Variants in TACC2 observed in about 807,000 individuals in gnomAD.
The protein encoded by TACC2 is transforming acidic coiled-coil containing protein 2.
Under a neutral mutation model 227.3 loss-of-function variants are expected in TACC2, and 137 were observed. That is an observed-to-expected ratio of 0.60 (90% CI 0.52 to 0.69). TACC2 has a LOEUF of 0.69. Ranked by LOEUF, TACC2 falls within the 30% of genes least tolerant of loss-of-function variation. The pLI is 0.00. For synonymous variants in TACC2, 1,523 were observed against 1,487.5 expected (o/e 1.02, Z -0.55); for missense variants, 3,470 against 3,694.4 (o/e 0.94, Z 1.57).
intron 1 of TACC2, among the ~76,000 whole-genome samples, chr10:122,017,149 C>T (rs1352613612): frequency 6.6e-6 from 1 of 152,188 alleles, no homozygotes; most frequent in Non-Finnish European, 1.5e-5. Flanking sequence ...AGCCTCTCCT[C>T]TCTGCTCAGA....
intron 7 of TACC2, among the ~76,000 whole-genome samples, chr10:122,169,679 T>G (rs2093370668): frequency 1.3e-5 from 2 of 152,188 alleles, no homozygotes; most frequent in African/African-American, 4.8e-5. Flanking sequence ...GACATCTCAT[T>G]TATGCTCATG....
At chr10:122,162,435 A>G (rs2092875693) in intron 7 of TACC2, among the ~76,000 whole-genome samples, 1 of 152,224 alleles carries the variant, frequency 6.6e-6, no homozygotes, top group African/African-American at 2.4e-5. Flanking sequence ...CTGTGGGTGA[A>G]GACAAGCTGG....
At chr10:121,995,066 T>C (rs1953265019) in intron 1 of TACC2, among the ~76,000 whole-genome samples, 1 of 152,238 alleles carries the variant, frequency 6.6e-6, no homozygotes, top group Admixed American at 6.5e-5. Flanking sequence ...TGCAGAATGA[T>C]GACTTCAGAG....
rs750862340 is a variant in TACC2, at chr10:122,209,326, A to T, written c.5972-1071A>T. 1.3e-5 allele frequency among the ~76,000 whole-genome samples: 2 copies of T among 152,158 alleles called. No homozygotes were observed. Among genetic ancestry groups the T allele is most frequent in the African/African-American group, 2.4e-5 (1 of 41,430 alleles). On this transcript the variant is annotated intron_variant, in intron 8 of 22. Transcript: ENST00000369005. This position sits in a 1 kb window ranked among gnomAD's most constrained non-coding sequence, Gnocchi z 4.5. ...TTCACAGTGGCTCTGAGGAGTCAAG[A>T]ACAGGCTTGCTGGTGGCCGTGGCTA...
At chr10:122,227,747 T>C in intron 13 of TACC2, 90 bp from the exon 14 acceptor site, 1 of 1,389,678 alleles carries the variant, frequency 7.2e-7, no homozygotes, top group Non-Finnish European at 9.9e-7. Flanking sequence ...CAGGATTCCT[T>C]GTGATATTGA....
intron 3 of TACC2, chr10:122,052,706 G>T (rs1019232897): frequency 6.8e-6 from 1 of 147,192 alleles, no homozygotes; most frequent in African/African-American, 2.5e-5. Context: ...AAACAAACAG[G>T]TGCCTTCCAA....
chr10:122,082,328 C>T (rs1327098235), intron 3 of TACC2, among the ~76,000 whole-genome samples: 2 of 152,118 alleles, frequency 1.3e-5, no homozygotes, highest in African/African-American at 2.4e-5. Context: ...ACAAACAAAA[C>T]CTTTTTGGGT....
intron 7 of TACC2, chr10:122,163,738 C>T (rs1313845887): frequency 8.6e-7 from 1 of 1,165,116 alleles, no homozygotes; most frequent in Admixed American, 4.7e-5. Context: ...GCCCCCCGGC[C>T]CCCGGCTCGG....
chr10:122,215,870 C>T (rs573453557), intron 10 of TACC2, among the ~76,000 whole-genome samples: 1 of 152,312 alleles, frequency 6.6e-6, no homozygotes, highest in East Asian at 1.9e-4. Flanking sequence ...GGAAGCCCCT[C>T]CCCTAAAGAA....
At chr10:122,004,824 G>A (rs565673980) in intron 1 of TACC2, among the ~76,000 whole-genome samples, 20 of 152,256 alleles carry the variant, frequency 1.3e-4, no homozygotes, top group African/African-American at 4.6e-4. Flanking sequence ...TATCTAGGTA[G>A]CAGGCAGGAA....
intron 16 of TACC2, among the ~76,000 whole-genome samples, chr10:122,235,467 C>T (rs923005185): frequency 2.6e-5 from 4 of 152,170 alleles, no homozygotes; most frequent in African/African-American, 9.7e-5. Flanking sequence ...CTCCTGGCCT[C>T]AAGGGATCCT....
chr10:122,152,720 GA>G (rs2092166878), intron 7 of TACC2, among the ~76,000 whole-genome samples: 1 of 152,332 alleles, frequency 6.6e-6, no homozygotes, highest in African/African-American at 2.4e-5. Context: ...CGTAGTTGGG[GA>G]AATGGGCCGA....
intron 5 of TACC2, among the ~76,000 whole-genome samples, chr10:122,120,644 G>T (rs1339208215): frequency 6.6e-6 from 1 of 152,198 alleles, no homozygotes; most frequent in African/African-American, 2.4e-5. Flanking sequence ...TGGGGAGAGG[G>T]ACTTTCTGCT....
chr10:122,132,870 G>GTGT, intron 6 of TACC2, 136 bp downstream of exon 6: 2 of 860,804 alleles, frequency 2.3e-6, no homozygotes, highest in Non-Finnish European at 3.6e-6. Context: ...ACACACACAG[G>GTGT]GTGTGCACAC....
chr10:122,197,210 G>C (rs894467148), intron 8 of TACC2, among the ~76,000 whole-genome samples: 1 of 152,164 alleles, frequency 6.6e-6, no homozygotes, highest in Non-Finnish European at 1.5e-5. Flanking sequence ...GCAGTGAGCC[G>C]AGACCATGCC....
At chr10:122,140,893 G>A (rs1023635858) in intron 6 of TACC2, among the ~76,000 whole-genome samples, 6 of 152,192 alleles carry the variant, frequency 3.9e-5, no homozygotes, top group South Asian at 2.1e-4. Context: ...TCCGAATGCC[G>A]TGGAAAGTCA....
chr10:122,042,106 C>CGGCT (rs1303541963), intron 2 of TACC2, among the ~76,000 whole-genome samples: 7 of 152,088 alleles, frequency 4.6e-5, no homozygotes, highest in African/African-American at 1.7e-4. Context: ...CGACCACGCC[C>CGGCT]GGCTAACTTT....
chr10:122,111,437 G>A (rs1345231825), intron 5 of TACC2, among the ~76,000 whole-genome samples: 5 of 151,764 alleles, frequency 3.3e-5, no homozygotes, highest in African/African-American at 4.8e-5. Context: ...GAGCTTACAT[G>A]GTGGTGAGTG....
rs1051132992 is a variant in TACC2 at position 122,216,634 on chromosome 10, C to T, written c.7352C>T (p.Thr2451Ile). The T allele has an allele frequency of 1.1e-5, 17 of 1,613,564 alleles. No individual in the cohort carries two copies. Among genetic ancestry groups the T allele is most frequent in the African/African-American group, 2.7e-5 (2 of 74,814 alleles). ...PLSDPPSQDPTPAATPETPPV... is the reference protein window; with the variant it reads ...PLSDPPSQDPIPAATPETPPV... ...TTTCTCTTCTCTTTGCAGGACCCCA[C>T]CCCAGCTGCTACACCAGAAACACCA... The change falls in exon 11 of 23, where the codon ACC becomes ATC. Residue 2451 changes from threonine (T) to isoleucine (I), a missense_variant. Transcript: ENST00000369005.
Sources: allele counts gnomAD v4.1 joint callset (sites outside exome capture counted in the v4.1 genomes callset), GRCh38; gene constraint gnomAD v4.1.1; non-coding constraint Gnocchi (gnomAD v3.1); transcripts MANE v1.5; gene names NCBI Gene and HGNC (gene_info 2026-07-23, HGNC 2026-07-21).